Variants in GNB1L observed in about 807,000 individuals in gnomAD.
GNB1L encodes guanine nucleotide-binding protein subunit beta-like protein 1.
In GNB1L, 20 loss-of-function variants were observed where a neutral mutation model predicts 29.1. That is an observed-to-expected ratio of 0.69 (90% CI 0.48 to 1.00). The LOEUF (loss-of-function observed/expected upper bound fraction) is 1.00, where lower values mean the gene tolerates loss of function less well. Among genes scored for constraint, GNB1L ranks in the 50% least tolerant of loss-of-function variants. The pLI, the probability that GNB1L is intolerant of heterozygous loss-of-function variation, is 0.00. For missense variants in GNB1L, 421 were observed against 464.9 expected (o/e 0.91, Z 0.87); for synonymous variants, 193 against 206.5 (o/e 0.93, Z 0.56).
chr22:19,844,561 C>T (rs1937920723), intron 2 of GNB1L, among the ~76,000 whole-genome samples: 2 of 152,210 alleles, frequency 1.3e-5, no homozygotes, highest in African/African-American at 2.4e-5. Context: ...CGGGCTGCCT[C>T]AGCTGAGCCA....
chr22:19,797,461 CAAG>C (rs1937319659), intron 7 of GNB1L, among the ~76,000 whole-genome samples: 1 of 152,188 alleles, frequency 6.6e-6, no homozygotes, highest in African/African-American at 2.4e-5. Context: ...TGAACAGATT[CAAG>C]AAGAAAACCT....
rs73379993 is a variant in GNB1L, at chr22:19,846,345, C to T, written c.-21+8098G>A. On this transcript the variant is annotated intron_variant, in intron 2 of 7. Transcript: ENST00000329517. ...ATACAGGATAATGCCTTTGTACCCC[C>T]CAGGTAGGGAAAGATTTCTTAAGTG... is the stretch of plus-strand genomic sequence containing the variant. The T allele has an allele frequency of 2.8e-3, 2,450 of 863,440 alleles. 47 individuals are homozygous for T. The African/African-American group carries it at 0.041, about 15-fold the overall frequency. 53.5% of individuals were successfully genotyped at this position (863,440 alleles called of 1,614,324 possible). A position where few individuals can be genotyped will look rare whatever the true frequency, so the allele number is the denominator to read the frequency against.
intron 7 of GNB1L, among the ~76,000 whole-genome samples, chr22:19,791,306 T>G (rs1427027851): frequency 1.3e-5 from 2 of 152,228 alleles, no homozygotes; most frequent in South Asian, 4.1e-4. Context: ...GCAAGAACAA[T>G]AGGAAAGTGT....
At chr22:19,853,751 A>G (rs768596128) in intron 2 of GNB1L, among the ~76,000 whole-genome samples, 14 of 151,504 alleles carry the variant, frequency 9.2e-5, no homozygotes, top group Non-Finnish European at 1.8e-4. Context: ...AGCCCAGCCC[A>G]TGACCCTGGC....
At chr22:19,845,345 C>G (rs546832556) in intron 2 of GNB1L, among the ~76,000 whole-genome samples, 1 of 152,206 alleles carries the variant, frequency 6.6e-6, no homozygotes, top group African/African-American at 2.4e-5. Flanking sequence ...CACTGAGGGC[C>G]CCCCCTATGC....
At chr22:19,815,728 T>C (rs1215027309) in intron 4 of GNB1L, among the ~76,000 whole-genome samples, 1 of 152,116 alleles carries the variant, frequency 6.6e-6, no homozygotes, top group Non-Finnish European at 1.5e-5. Context: ...ACTACCAGCA[T>C]GTGCCACCAC....
Position 19,812,429 on chromosome 22 carries a change from C to A in GNB1L, c.273G>T (p.Lys91Asn), listed in dbSNP as rs1325999549. The A allele has an allele frequency of 2.5e-6, 4 of 1,612,788 alleles. No individual in the cohort carries two copies. The highest frequency in any genetic ancestry group is 3.4e-6 in the Non-Finnish European group (4 of 1,179,604). The change falls in exon 5 of 8, where the codon AAG becomes AAT. Residue 91 changes from lysine (K) to asparagine (N), a missense_variant. Physicochemically the swap from Lys to Asn is moderately conservative, Grantham distance 94. Transcript: ENST00000329517. ...CCTCCGCGAGGTCCCACAGGCACAG[C>A]TTCAGGTCCCGGCCCTGACTGCCAG... ...RQLLSQGRDL[K>N]LCLWDLAEGR...
At chr22:19,846,401 C>T (rs1569055815) in intron 2 of GNB1L, 1 of 984,456 alleles carries the variant, frequency 1.0e-6, no homozygotes, top group Non-Finnish European at 1.2e-6. Flanking sequence ...CACAACTGGG[C>T]ACTGCCTACT....
At chr22:19,826,548 A>T (rs1412267721) in intron 2 of GNB1L, among the ~76,000 whole-genome samples, 1 of 152,226 alleles carries the variant, frequency 6.6e-6, no homozygotes, top group African/African-American at 2.4e-5. Context: ...AGGGAACTGC[A>T]ACTACAAGTA....
chr22:19,836,837 T>C (rs1278777431), intron 2 of GNB1L, among the ~76,000 whole-genome samples: 3 of 152,130 alleles, frequency 2.0e-5, no homozygotes, highest in South Asian at 4.1e-4. Context: ...TAAGTTAATA[T>C]AGAAAAGGCA....
At position 19,817,413 on chromosome 22, in the gene GNB1L, G is replaced by A. The variant is rs531197854; in HGVS notation, c.254+3185C>T. Among the ~76,000 whole-genome samples the A allele has an allele frequency of 7.2e-5, 11 of 152,234 alleles. No individual in the cohort carries two copies. The South Asian group carries it at 1.2e-3, about 17-fold the overall frequency. On this transcript the variant is annotated intron_variant, in intron 4 of 7. Coordinates refer to ENST00000329517, the MANE Select transcript of GNB1L (RefSeq NM_053004.3). ...GGAGAATCACTTGAACCAGGGAGTC[G>A]GAGGTTGCAGTGAGCCAAGATCATG...
intron 2 of GNB1L, among the ~76,000 whole-genome samples, chr22:19,840,085 T>C (rs938377820): frequency 5.9e-5 from 9 of 151,412 alleles, no homozygotes; most frequent in African/African-American, 1.2e-4. Flanking sequence ...AAGTATACTA[T>C]GATAAAAGTT....
intron 6 of GNB1L, among the ~76,000 whole-genome samples, chr22:19,803,685 G>T (rs1569041164): frequency 6.6e-6 from 1 of 152,214 alleles, no homozygotes; most frequent in Non-Finnish European, 1.5e-5. Flanking sequence ...GCCTCCCCCT[G>T]GTAAGTGGTG....
At chr22:19,845,108 G>A (rs947223008) in intron 2 of GNB1L, among the ~76,000 whole-genome samples, 8 of 152,214 alleles carry the variant, frequency 5.3e-5, no homozygotes, top group African/African-American at 1.7e-4. Flanking sequence ...CTCCTGTGGC[G>A]GAGGCAACCT....
chr22:19,788,827 G>A lies in GNB1L; in HGVS notation c.866C>T (p.Ala289Val). ...VFHWRTMQPLAVLAFHSAAVQ... is the reference protein window; with the variant it reads ...VFHWRTMQPLVVLAFHSAAVQ... The stretch of plus-strand genomic sequence containing the variant: ...AGCGGCGCTGTGGAAGGCCAGCACG[G>A]CCAGTGGCTGCATCGTCCGCCAGTG... Residue 289 changes from alanine to valine, a missense_variant, in exon 8 of 8, where the codon GCC (alanine) becomes GTC (valine). By Grantham distance (64) the Ala-to-Val change is moderately conservative (BLOSUM62 0). Coordinates refer to ENST00000329517, the MANE Select transcript of GNB1L (RefSeq NM_053004.3). 1 of 1,612,526 alleles carries A rather than the reference G, an allele frequency of 6.2e-7. No homozygotes were observed. The highest frequency in any genetic ancestry group is 8.5e-7 in the Non-Finnish European group (1 of 1,179,852).
At chr22:19,835,661 G>A (rs1019779999) in intron 2 of GNB1L, among the ~76,000 whole-genome samples, 3 of 151,790 alleles carry the variant, frequency 2.0e-5, no homozygotes, top group South Asian at 2.1e-4. Flanking sequence ...GCGACAGAGC[G>A]AGACTCTGTC....
intron 2 of GNB1L, among the ~76,000 whole-genome samples, chr22:19,839,554 G>A (rs963643770): frequency 5.9e-5 from 9 of 152,012 alleles, no homozygotes; most frequent in Non-Finnish European, 1.3e-4. Flanking sequence ...ACCAGCCTGG[G>A]CAACACAGGG....
intron 2 of GNB1L, chr22:19,850,539 TGCATCCAAACCTTCCA>T (rs1174252256): frequency 1.0e-5 from 11 of 1,090,970 alleles, no homozygotes; most frequent in Non-Finnish European, 1.2e-5. Flanking sequence ...CCCACCTTCC[TGCATCCAAACCTTCCA>T]GCTGCCCAGA....
At chr22:19,821,154 G>T (rs148348753) in intron 3 of GNB1L, 74 bp downstream of exon 3, 33 of 1,457,762 alleles carry the variant, frequency 2.3e-5, no homozygotes, top group Middle Eastern at 2.0e-4. Flanking sequence ...TCAAACAAGC[G>T]CTGGGCTCCT....
Sources: allele counts gnomAD v4.1 joint callset (sites outside exome capture counted in the v4.1 genomes callset), GRCh38; gene constraint gnomAD v4.1.1; transcripts MANE v1.5; gene names NCBI Gene and HGNC (gene_info 2026-07-23, HGNC 2026-07-21).